Variants in DRC8 observed in about 807,000 individuals in gnomAD.
The protein encoded by DRC8 is dynein regulatory complex protein 8.
chr1:245,029,473 T>C, the DRC8 span, among the ~76,000 whole-genome samples: 2 of 151,818 alleles, frequency 1.3e-5, no homozygotes, highest in Non-Finnish European at 1.5e-5. Context: ...AATTTTTGTG[T>C]TTTTAGTAGA....
At chr1:244,974,043 C>T in the DRC8 span, among the ~76,000 whole-genome samples, 1 of 152,022 alleles carries the variant, frequency 6.6e-6, no homozygotes, top group Admixed American at 6.6e-5. Context: ...ATTTTTAAAA[C>T]CACTTTTTTA....
At chr1:245,057,381 G>A in the DRC8 span, among the ~76,000 whole-genome samples, 14 of 152,234 alleles carry the variant, frequency 9.2e-5, no homozygotes, top group Admixed American at 2.0e-4. Flanking sequence ...TTTTAACAAC[G>A]TATCTTATTT....
At chr1:245,005,899 T>G in the DRC8 span, among the ~76,000 whole-genome samples, 1 of 151,974 alleles carries the variant, frequency 6.6e-6, no homozygotes, top group Non-Finnish European at 1.5e-5. Context: ...AGAGCAATAT[T>G]CCAGGCAGGA....
the DRC8 span, among the ~76,000 whole-genome samples, chr1:245,118,064 T>C: frequency 6.6e-6 from 1 of 152,154 alleles, no homozygotes; most frequent in South Asian, 2.1e-4. Context: ...ACCTGAGAAT[T>C]CCATTACTCA....
chr1:245,035,094 A>G, the DRC8 span, among the ~76,000 whole-genome samples: 3 of 152,178 alleles, frequency 2.0e-5, no homozygotes, highest in South Asian at 6.2e-4. Context: ...AGTCATATGT[A>G]TATAGATTGG....
the DRC8 span, among the ~76,000 whole-genome samples, chr1:245,031,945 T>C: frequency 6.6e-6 from 1 of 152,224 alleles, no homozygotes; most frequent in African/African-American, 2.4e-5. Context: ...TTCCAGAGTA[T>C]TCTGAAACTG....
the DRC8 span, among the ~76,000 whole-genome samples, chr1:244,997,339 T>C: frequency 0.023 from 3,534 of 152,240 alleles, 152 homozygotes; most frequent in African/African-American, 0.081. Context: ...CTCATCTCTG[T>C]CTTAACTAAA....
At chr1:245,069,672 C>T in the DRC8 span, among the ~76,000 whole-genome samples, 9 of 152,226 alleles carry the variant, frequency 5.9e-5, no homozygotes, top group East Asian at 1.7e-3. Flanking sequence ...TTCAGTTTTG[C>T]AAGATGAAGA....
the DRC8 span, among the ~76,000 whole-genome samples, chr1:245,020,539 C>T: frequency 6.7e-6 from 1 of 149,250 alleles, no homozygotes; most frequent in Non-Finnish European, 1.5e-5. Context: ...TAACTATTTT[C>T]ATAATAAATT....
the DRC8 span, chr1:245,082,061 T>C: frequency 6.4e-7 from 1 of 1,564,940 alleles, no homozygotes; most frequent in Admixed American, 1.7e-5. Flanking sequence ...ACTAAATGGC[T>C]ATTTACTTAT....
the DRC8 span, among the ~76,000 whole-genome samples, chr1:245,099,678 T>C: frequency 6.6e-6 from 1 of 152,260 alleles, no homozygotes; most frequent in Non-Finnish European, 1.5e-5. Context: ...AAGCACACGC[T>C]GATCGCTTGA....
chr1:245,093,077 G>A, the DRC8 span, among the ~76,000 whole-genome samples: 2 of 152,152 alleles, frequency 1.3e-5, no homozygotes, highest in Non-Finnish European at 2.9e-5. Flanking sequence ...AAAAGAGAGA[G>A]GGAGGGGCAG....
chr1:244,981,933 T>C, the DRC8 span, among the ~76,000 whole-genome samples: 1 of 152,168 alleles, frequency 6.6e-6, no homozygotes, highest in Non-Finnish European at 1.5e-5. Context: ...AAAACACTTG[T>C]GAAGGTCACA....
At chr1:245,016,605 G>C in the DRC8 span, among the ~76,000 whole-genome samples, 7 of 152,286 alleles carry the variant, frequency 4.6e-5, no homozygotes, top group East Asian at 1.2e-3. Flanking sequence ...AATAAAAGTA[G>C]CTCTATGGAG....
chr1:245,084,443 TG>T, the DRC8 span, among the ~76,000 whole-genome samples: 1 of 152,158 alleles, frequency 6.6e-6, no homozygotes, highest in East Asian at 1.9e-4. Context: ...ACACTAAAAA[TG>T]TCCTTTTTTA....
the DRC8 span, among the ~76,000 whole-genome samples, chr1:245,113,319 T>C: frequency 6.6e-6 from 1 of 152,194 alleles, no homozygotes; most frequent in Non-Finnish European, 1.5e-5. Context: ...AGAATGTATC[T>C]AAGAGTTGCT....
the DRC8 span, among the ~76,000 whole-genome samples, chr1:245,017,022 A>C: frequency 5.9e-5 from 9 of 152,198 alleles, no homozygotes; most frequent in African/African-American, 2.2e-4. Context: ...AGATCAGTGC[A>C]CCTTTACCAT....
the DRC8 span, among the ~76,000 whole-genome samples, chr1:245,118,045 T>C: frequency 0.88 from 134,093 of 152,000 alleles, 59,726 homozygotes; most frequent in Middle Eastern, 0.95. Flanking sequence ...CAAAAACCTC[T>C]ATTACGCTAC....
the DRC8 span, among the ~76,000 whole-genome samples, chr1:245,033,615 T>A: frequency 6.6e-6 from 1 of 152,338 alleles, no homozygotes; most frequent in East Asian, 1.9e-4. Flanking sequence ...TATCTCTCCG[T>A]CCCATCCTGT....
Sources: allele counts gnomAD v4.1 joint callset (sites outside exome capture counted in the v4.1 genomes callset), GRCh38; gene constraint gnomAD v4.1.1; transcripts MANE v1.5; gene names NCBI Gene and HGNC (gene_info 2026-07-23, HGNC 2026-07-21).